The following CUBN variants were observed in gnomAD, a reference collection of about 807,000 sequenced individuals.
The protein encoded by CUBN is cubilin.
Under a neutral mutation model 405.3 loss-of-function variants are expected in CUBN, and 282 were observed. The ratio of observed to expected loss-of-function variants is 0.70; its 90% CI spans 0.63 to 0.77. CUBN has a LOEUF of 0.77. Among genes scored for constraint, CUBN ranks in the 30% least tolerant of loss-of-function variants. The pLI is 0.00. For missense variants in CUBN, 4,514 were observed against 4,475.2 expected (o/e 1.01, Z -0.25); for synonymous variants, 1,684 against 1,617.0 (o/e 1.04, Z -0.99).
intron 57 of CUBN, among the ~76,000 whole-genome samples, chr10:16,875,043 A>G (rs2131375337): frequency 6.6e-6 from 1 of 152,172 alleles, no homozygotes; most frequent in South Asian, 2.1e-4. Context: ...GCTCAAATGT[A>G]TAGCTCTCCA....
intron 28 of CUBN, among the ~76,000 whole-genome samples, chr10:17,018,762 G>T (rs1165424086): frequency 2.6e-5 from 4 of 152,130 alleles, no homozygotes; most frequent in Non-Finnish European, 5.9e-5. Context: ...GCACTGATTG[G>T]TCCGTTTTTA....
chr10:16,910,324 G>C (rs967835470), intron 48 of CUBN, among the ~76,000 whole-genome samples: 18 of 151,700 alleles, frequency 1.2e-4, no homozygotes, highest in Non-Finnish European at 2.5e-4. Context: ...CAATCAAATA[G>C]AGTAGGGGCA....
At chr10:16,856,933 C>T (rs759196119) in intron 59 of CUBN, among the ~76,000 whole-genome samples, 10 of 152,088 alleles carry the variant, frequency 6.6e-5, no homozygotes, top group Non-Finnish European at 8.8e-5. Flanking sequence ...TTTCTACCAC[C>T]CAGGGATGCA....
chr10:16,896,746 T>C (rs1179418312), intron 54 of CUBN, among the ~76,000 whole-genome samples: 1 of 152,204 alleles, frequency 6.6e-6, no homozygotes, highest in Non-Finnish European at 1.5e-5. Context: ...AGTTCTTTGA[T>C]TGTTCTTTCA....
intron 22 of CUBN, among the ~76,000 whole-genome samples, chr10:17,055,434 C>A (rs371092070): frequency 1.3e-5 from 2 of 151,946 alleles, no homozygotes; most frequent in South Asian, 2.1e-4. Context: ...TACACATACA[C>A]AGAGAAAGAG....
intron 27 of CUBN, among the ~76,000 whole-genome samples, chr10:17,023,012 C>T (rs1564483654): frequency 1.3e-5 from 2 of 152,182 alleles, no homozygotes; most frequent in Non-Finnish European, 2.9e-5. Flanking sequence ...TTCAATCCTG[C>T]ACAAGGTCAT....
At chr10:16,873,537 C>T (rs1840417276) in intron 58 of CUBN, among the ~76,000 whole-genome samples, 1 of 151,996 alleles carries the variant, frequency 6.6e-6, no homozygotes, top group Non-Finnish European at 1.5e-5. Flanking sequence ...GCATGACCAA[C>T]ATGGTGAAAC....
At chr10:16,876,201 G>A (rs1258924024) in intron 57 of CUBN, among the ~76,000 whole-genome samples, 1 of 152,218 alleles carries the variant, frequency 6.6e-6, no homozygotes, top group African/African-American at 2.4e-5. Context: ...CAAGATTTGT[G>A]TGCCAGTTTG....
At chr10:17,085,857 G>A (rs1836095792) in intron 15 of CUBN, 98 bp from the exon 16 acceptor site, 1 of 1,158,672 alleles carries the variant, frequency 8.6e-7, no homozygotes, top group South Asian at 1.3e-5. Context: ...TCATTTAAAA[G>A]TGATCGCTCA....
intron 31 of CUBN, among the ~76,000 whole-genome samples, chr10:16,978,421 C>T (rs1184627412): frequency 6.6e-6 from 1 of 152,192 alleles, no homozygotes; most frequent in Non-Finnish European, 1.5e-5. Context: ...AGGAGAGTAG[C>T]TGGATGTTCT....
intron 27 of CUBN, among the ~76,000 whole-genome samples, chr10:17,022,756 C>T (rs1834532252): frequency 6.6e-6 from 1 of 152,170 alleles, no homozygotes; most frequent in Admixed American, 6.5e-5. Context: ...ACATACTGCT[C>T]CCAAGTAGTG....
At chr10:17,034,774 C>A (rs566938373) in intron 27 of CUBN, among the ~76,000 whole-genome samples, 2 of 152,290 alleles carry the variant, frequency 1.3e-5, no homozygotes, top group African/African-American at 4.8e-5. Flanking sequence ...CAAAAGAGAT[C>A]TACAGGAGTG....
In CUBN at chr10:16,930,467, C is replaced by T. The variant is rs1842330540; in HGVS notation, c.6125-2164G>A. 2.0e-5 allele frequency among the ~76,000 whole-genome samples: 3 copies of T among 152,134 alleles called. No individual in the cohort carries two copies. The South Asian group carries it at 6.2e-4, about 32-fold the overall frequency. ...CTTTGCAGATTAACCTCAGATGCCC[C>T]AAAACCATGCTATTAAATGATTTAT... On this transcript the variant is annotated intron_variant, in intron 40 of 66. Transcript: ENST00000377833.
In CUBN at chr10:17,123,087, C is replaced by T. The variant is rs116507419; in HGVS notation, c.490-189G>A. On this transcript the variant is annotated intron_variant, in intron 5 of 66. Coordinates refer to ENST00000377833, the MANE Select transcript of CUBN (RefSeq NM_001081.4). ...AACTCAGATTTCACCTAATAGAACACAAGAGCTCTTCATAAGATCACAGCA... is the reference window on the plus strand; with the variant it reads ...AACTCAGATTTCACCTAATAGAACATAAGAGCTCTTCATAAGATCACAGCA... 3.3e-5 allele frequency among the ~76,000 whole-genome samples: 5 copies of T among 152,320 alleles called. No homozygotes were observed. The East Asian group carries it at 9.6e-4, about 29-fold the overall frequency.
intron 48 of CUBN, among the ~76,000 whole-genome samples, chr10:16,913,353 C>T (rs1298275420): frequency 1.3e-5 from 2 of 152,284 alleles, no homozygotes; most frequent in East Asian, 3.9e-4. Context: ...ACATGTGAAA[C>T]CACTGGAGGT....
intron 31 of CUBN, among the ~76,000 whole-genome samples, chr10:16,959,038 TG>T (rs1227673203): frequency 6.6e-6 from 1 of 152,144 alleles, no homozygotes; most frequent in Non-Finnish European, 1.5e-5. Flanking sequence ...AGAGAGAACC[TG>T]TTGTTGCAAG....
chr10:17,096,238 A>G (rs1339677862), intron 14 of CUBN, among the ~76,000 whole-genome samples: 3 of 152,114 alleles, frequency 2.0e-5, no homozygotes, highest in African/African-American at 4.8e-5. Context: ...ATCATTAACA[A>G]TATTGTATTA....
In CUBN at chr10:17,111,110, A is replaced by G. The variant is rs184340046; in HGVS notation, c.884-60T>C. On this transcript the variant is annotated intron_variant, in intron 8 of 66. Transcript: ENST00000377833. ...ATAGACAAGTCAACAAGGAAGAAAT[A>G]CAAGAGTCAAAACATATAAAAACCT... The G allele has an allele frequency of 2.7e-4, 432 of 1,579,008 alleles. No individual in the cohort carries two copies. In the African/African-American group the frequency reaches 4.5e-3, roughly 16 times the overall value.
In CUBN at chr10:17,104,625, A is replaced by C; in HGVS notation, c.1231-20T>G. ...AGTGTCCTAAGGGGAAAAAAAACAC[A>C]TAATACCATAAAACAAATGGATAGA... is the stretch of plus-strand genomic sequence containing the variant. On this transcript the variant is annotated intron_variant, in intron 11 of 66. Transcript: ENST00000377833. The C allele has an allele frequency of 6.3e-7, 1 of 1,595,818 alleles. No individual in the cohort carries two copies. Among genetic ancestry groups the C allele is most frequent in the Non-Finnish European group, 8.6e-7 (1 of 1,166,790 alleles).
Sources: gnomAD v4.1 joint callset for allele counts (sites outside exome capture counted in the v4.1 genomes callset) on GRCh38, gnomAD v4.1.1 for gene constraint, MANE v1.5 for transcripts, NCBI Gene and HGNC (gene_info 2026-07-23, HGNC 2026-07-21) for gene names.